Variants in MAF observed in about 807,000 individuals in gnomAD.
MAF encodes the protein MAF bZIP transcription factor.
Under a neutral mutation model 22.0 loss-of-function variants are expected in MAF, and 10 were observed. The ratio of observed to expected loss-of-function variants is 0.45; its 90% confidence interval spans 0.28 to 0.77. The LOEUF (loss-of-function observed/expected upper bound fraction) is 0.77. MAF is among the 30% of genes least tolerant of loss of function. The probability of loss-of-function intolerance (pLI) is 0.12; values close to 1 mark genes in which losing one functional copy is unlikely to be tolerated. For missense variants in MAF, 544 were observed against 548.4 expected, an observed-to-expected ratio of 0.99 and a Z score of 0.08; for synonymous variants, 337 against 255.8, an observed-to-expected ratio of 1.32 and a Z score of -3.03.
the MAF span, among the ~76,000 whole-genome samples, chr16:79,225,423 AG>A: frequency 6.6e-6 from 1 of 152,186 alleles, no homozygotes; most frequent in Non-Finnish European, 1.5e-5. Context: ...AAGAAAACCT[AG>A]GCAACACCAT....
chr16:79,415,585 G>C, the MAF span, among the ~76,000 whole-genome samples: 2 of 152,116 alleles, frequency 1.3e-5, no homozygotes, highest in African/African-American at 4.8e-5. Context: ...AGCATTCAAA[G>C]CCTGGATCAC....
the MAF span, among the ~76,000 whole-genome samples, chr16:79,278,807 TG>T: frequency 6.6e-6 from 1 of 152,178 alleles, no homozygotes; most frequent in African/African-American, 2.4e-5. Flanking sequence ...TCCTGCCTGC[TG>T]GCCCCCAAGT....
the MAF span, among the ~76,000 whole-genome samples, chr16:79,376,830 A>C: frequency 1.3e-5 from 2 of 152,184 alleles, no homozygotes; most frequent in African/African-American, 2.4e-5. Flanking sequence ...AGCTTCATCC[A>C]TGTTCCTACA....
chr16:79,253,766 T>C, the MAF span, among the ~76,000 whole-genome samples: 1 of 152,182 alleles, frequency 6.6e-6, no homozygotes, highest in Admixed American at 6.5e-5. Context: ...CTCCTTCCCG[T>C]CTGCGAGGCC....
At chr16:79,489,877 C>G in the MAF span, among the ~76,000 whole-genome samples, 3 of 152,074 alleles carry the variant, frequency 2.0e-5, no homozygotes, top group Non-Finnish European at 2.9e-5. Context: ...TGGAAAGAGA[C>G]AAGGGTGGTC....
At chr16:79,222,586 T>G in the MAF span, among the ~76,000 whole-genome samples, 1 of 151,756 alleles carries the variant, frequency 6.6e-6, no homozygotes, top group Non-Finnish European at 1.5e-5. Flanking sequence ...GACTGGCAAA[T>G]TAGATAAAGA....
intron 1 of MAF, chr16:79,596,914 T>C: frequency 1.9e-6 from 2 of 1,050,376 alleles, no homozygotes; most frequent in Non-Finnish European, 2.3e-6. Context: ...TGCTTGCAGG[T>C]TATATCTTAG....
At chr16:79,430,036 C>T in the MAF span, among the ~76,000 whole-genome samples, 2 of 152,262 alleles carry the variant, frequency 1.3e-5, no homozygotes, top group East Asian at 3.9e-4. Flanking sequence ...AGTCTTCTGC[C>T]TTGCTCTGGT....
At chr16:79,523,042 A>C in the MAF span, among the ~76,000 whole-genome samples, 1 of 152,236 alleles carries the variant, frequency 6.6e-6, no homozygotes, top group African/African-American at 2.4e-5. Context: ...TAATAGCATA[A>C]GAGTCATCAT....
chr16:79,289,050 C>G, the MAF span, among the ~76,000 whole-genome samples: 1 of 152,160 alleles, frequency 6.6e-6, no homozygotes, highest in Non-Finnish European at 1.5e-5. Flanking sequence ...TTAAAGGAGA[C>G]AGAGAAGCAA....
the MAF span, among the ~76,000 whole-genome samples, chr16:79,493,143 GT>G: frequency 2.7e-4 from 31 of 116,480 alleles, no homozygotes; most frequent in African/African-American, 1.2e-3. Flanking sequence ...TTTTTTTTTT[GT>G]TTTGTTTTGT....
the MAF span, among the ~76,000 whole-genome samples, chr16:79,364,504 G>A: frequency 1.3e-5 from 2 of 152,184 alleles, no homozygotes; most frequent in Non-Finnish European, 2.9e-5. Context: ...CCAGAACGGG[G>A]ATGAAGAAGA....
At chr16:79,223,878 A>G in the MAF span, among the ~76,000 whole-genome samples, 14 of 152,286 alleles carry the variant, frequency 9.2e-5, no homozygotes, top group East Asian at 9.7e-4. Context: ...ATAGCCTACC[A>G]CCCAAAATAA....
At chr16:79,569,014 G>C in the MAF span, among the ~76,000 whole-genome samples, 2 of 152,188 alleles carry the variant, frequency 1.3e-5, no homozygotes, top group African/African-American at 4.8e-5. Context: ...AGAAGGTTAA[G>C]CATGTCTACC....
the MAF span, among the ~76,000 whole-genome samples, chr16:79,234,386 C>T: frequency 3.3e-5 from 5 of 152,052 alleles, no homozygotes; most frequent in African/African-American, 7.2e-5. Flanking sequence ...TGTTCAATAT[C>T]TTATAAAACA....
the MAF span, among the ~76,000 whole-genome samples, chr16:79,538,506 C>G: frequency 6.6e-6 from 1 of 152,038 alleles, no homozygotes; most frequent in African/African-American, 2.4e-5. Flanking sequence ...TTTTCAAACA[C>G]TAAAGCAAAG....
At chr16:79,444,426 T>C in the MAF span, among the ~76,000 whole-genome samples, 2 of 152,230 alleles carry the variant, frequency 1.3e-5, no homozygotes, top group Non-Finnish European at 2.9e-5. Flanking sequence ...TTCCAAAGCA[T>C]GGCTTTCTGC....
Position 79,599,588 on chromosome 16 carries a change from C to A in MAF, c.315G>T (p.Ala105=), listed in dbSNP as rs754156981. 3 of 1,607,014 alleles carry A rather than the reference C, an allele frequency of 1.9e-6. No individual in the cohort carries two copies. The highest frequency in any genetic ancestry group is 2.2e-5 in the East Asian group (1 of 44,608). ...CCGCGTCCTCGGGGCTGAAGCCCAG[C>A]GCCTCGGGGTTCAGCTGCTGCGGGT... ...TGYPQQLNPE[A]LGFSPEDAVE... The change falls in exon 1 of 2, where the codon GCG becomes GCT. Residue 105 remains alanine, a synonymous_variant. Transcript: ENST00000326043.
the MAF span, chr16:79,203,554 G>C: frequency 6.6e-6 from 1 of 151,200 alleles, no homozygotes; most frequent in Non-Finnish European, 1.5e-5. Flanking sequence ...ATACTTATGG[G>C]GCATACGTGT....
Sources: allele counts gnomAD v4.1 joint callset (sites outside exome capture counted in the v4.1 genomes callset), GRCh38; gene constraint gnomAD v4.1.1; transcripts MANE v1.5; gene names NCBI Gene and HGNC (gene_info 2026-07-23, HGNC 2026-07-21).